The following KIF26A variants were observed in gnomAD, a reference collection of about 807,000 sequenced individuals.
KIF26A encodes kinesin family member 26A.
Under a neutral mutation model 126.0 loss-of-function variants are expected in KIF26A, and 74 were observed. The observed-to-expected ratio is 0.59, with a 90% CI of 0.49 to 0.71. KIF26A has a LOEUF of 0.71. KIF26A is among the 30% of genes least tolerant of loss of function. The pLI, the probability that KIF26A is intolerant of heterozygous loss-of-function variation, is 0.00. For synonymous variants in KIF26A, 1,445 were observed against 1,232.7 expected (o/e 1.17, Z -3.61); for missense variants, 2,984 against 2,763.3 (o/e 1.08, Z -1.79).
chr14:104,174,014 G>A, intron 10 of KIF26A, 134 bp from the exon 11 acceptor site: 1 of 1,391,326 alleles, frequency 7.2e-7, no homozygotes, highest in Non-Finnish European at 9.5e-7. Context: ...CTGCCCGTGG[G>A]CTGCCTGGGG....
chr14:104,157,737 C>T lies in KIF26A; in HGVS notation c.736-18C>T, dbSNP rs752067910. The T allele has an allele frequency of 4.4e-6, 7 of 1,607,606 alleles. No individual in the cohort carries two copies. The highest frequency in any genetic ancestry group is 4.0e-5 in the African/African-American group (3 of 74,794). ...TCTGCCCTTGCGTTCCTTATACGCA[C>T]TCTCTCCTTCCCTCCAGGCCGAGGC... On this transcript the variant is annotated intron_variant, in intron 3 of 14. Transcript: ENST00000423312.
rs931194933 is a variant in KIF26A at position 104,170,321 on chromosome 14, G to C, written c.1114-1402G>C. 7.9e-5 allele frequency among the ~76,000 whole-genome samples: 12 copies of C among 152,198 alleles called. 1 individual carries two copies. The highest frequency in any genetic ancestry group is 2.0e-4 in the Admixed American group (3 of 15,288). On this transcript the variant is annotated intron_variant, in intron 5 of 14. Coordinates refer to ENST00000423312, the MANE Select transcript of KIF26A (RefSeq NM_015656.2). Reference sequence around the variant, plus strand: ...CGGGGGAATAAAAGAATCGATTCTTGCCTAATGGAGCCCAGGTTCTGAGTA... The same window carrying C: ...CGGGGGAATAAAAGAATCGATTCTTCCCTAATGGAGCCCAGGTTCTGAGTA...
chr14:104,173,276 G>A (rs764946792), intron 8 of KIF26A, 37 bp downstream of exon 8: 5 of 1,601,174 alleles, frequency 3.1e-6, no homozygotes, highest in African/African-American at 1.3e-5. Flanking sequence ...GGGGAGGGGG[G>A]CTGCACTTGG....
At chr14:104,153,925 A>G (rs1354832942) in intron 3 of KIF26A, among the ~76,000 whole-genome samples, 1 of 152,034 alleles carries the variant, frequency 6.6e-6, no homozygotes, top group Non-Finnish European at 1.5e-5. Flanking sequence ...CACCATGAAC[A>G]TTTAGGCACC....
chr14:104,162,145 G>T (rs567279807), intron 4 of KIF26A, among the ~76,000 whole-genome samples: 114 of 152,220 alleles, frequency 7.5e-4, no homozygotes, highest in Non-Finnish European at 1.3e-3. Context: ...GCAGTGGCAG[G>T]TCTTTGAGTC....
At position 104,152,604 on chromosome 14, in the gene KIF26A, T is replaced by G; in HGVS notation, c.735+143T>G. The G allele has an allele frequency of 1.3e-6, 1 of 747,370 alleles. No individual in the cohort carries two copies. The highest frequency in any genetic ancestry group is 1.8e-5 in the African/African-American group (1 of 56,202). 46.3% of individuals were successfully genotyped at this position (747,370 alleles called of 1,614,324 possible). A position where few individuals can be genotyped will look rare whatever the true frequency, so the allele number is the denominator to read the frequency against. On this transcript the variant is annotated intron_variant, in intron 3 of 14. Transcript: ENST00000423312. This position sits in a 1 kb window ranked among gnomAD's most constrained non-coding sequence, Gnocchi z 5.9. ...CGGCGGGCATGGGGGTTCCTGACAC[T>G]CCTGAGGCCCCACATCAGATGCACC...
rs1407538215 is a variant in KIF26A, at chr14:104,152,404, C to T, written c.678C>T (p.Cys226=). The T allele has an allele frequency of 1.3e-6, 2 of 1,599,306 alleles. No individual in the cohort carries two copies. The highest frequency in any genetic ancestry group is 1.3e-5 in the African/African-American group (1 of 74,742). ...CGGTCACCATCCAGGCCCAGCAGTGCCTGGAGGGCATGTGGAGTGTCTCGC... is the reference window on the plus strand; with the variant it reads ...CGGTCACCATCCAGGCCCAGCAGTGTCTGGAGGGCATGTGGAGTGTCTCGC... ...LSTVTIQAQQ[C]LEGMWSVSRV... Residue 226 remains cysteine, a synonymous_variant, in exon 3 of 15, where the codon TGC becomes TGT. Coordinates refer to ENST00000423312, the MANE Select transcript of KIF26A (RefSeq NM_015656.2). The surrounding 1 kb of genome is among the most constrained non-coding windows in gnomAD (Gnocchi z 5.9).
In KIF26A at chr14:104,175,229, TCGTGCC is replaced by T; in HGVS notation, c.2443_2448del (p.Val815_Pro816del). The T allele has an allele frequency of 6.2e-7, 1 of 1,609,510 alleles. No individual in the cohort carries two copies. Among genetic ancestry groups the T allele is most frequent in the Non-Finnish European group, 8.5e-7 (1 of 1,179,542 alleles). On this transcript the variant is annotated inframe_deletion, in exon 12 of 15. Coordinates refer to ENST00000423312, the MANE Select transcript of KIF26A (RefSeq NM_015656.2). The stretch of plus-strand genomic sequence containing the variant: ...ACCGACAACGAAGGTCCGCCTGACT[TCGTGCC>T]CATCATCCCTGCCCTGAGCCGCCAC...
In KIF26A at chr14:104,177,339, G is replaced by A; in HGVS notation, c.4551G>A (p.Leu1517=). 2 of 1,507,954 alleles carry A rather than the reference G, an allele frequency of 1.3e-6. No homozygotes were observed. Among genetic ancestry groups the A allele is most frequent in the Non-Finnish European group, 1.8e-6 (2 of 1,131,056 alleles). The allele number at this position is 1,507,954 out of a possible 1,614,324, so 93.4% of individuals were successfully genotyped here. The change falls in exon 12 of 15, where the codon CTG becomes CTA. Residue 1517 remains leucine (L), a synonymous_variant. Transcript: ENST00000423312. Reference sequence around the variant, plus strand: ...GGGCTCTGGGGCCTTCGGTGAAGCTGTCTACGGCCTCTGTGACGGGCAGGA... The same window carrying A: ...GGGCTCTGGGGCCTTCGGTGAAGCTATCTACGGCCTCTGTGACGGGCAGGA... ...GSRALGPSVK[L]STASVTGRSP...
In KIF26A at chr14:104,173,013, C is replaced by T. The variant is rs759864548; in HGVS notation, c.1457C>T (p.Pro486Leu). 5.6e-6 allele frequency: 9 copies of T among 1,605,414 alleles called. No individual in the cohort carries two copies. Among genetic ancestry groups the T allele is most frequent in the Non-Finnish European group, 5.1e-6 (6 of 1,176,642 alleles). The change falls in exon 8 of 15, where the codon CCC (proline) becomes CTC (leucine). Residue 486 changes from proline (P) to leucine (L), a missense_variant. Coordinates refer to ENST00000423312, the MANE Select transcript of KIF26A (RefSeq NM_015656.2). ...ACCATGATCGGGAAGGACAGCTCAC[C>T]CCAGAGCCTGGGCATCGTGCCCTGC... The part of the protein sequence containing the change: ...SYTMIGKDSS[P>L]QSLGIVPCAI...
At position 104,177,555 on chromosome 14, in the gene KIF26A, C is replaced by G; in HGVS notation, c.4767C>G (p.Asp1589Glu). The change falls in exon 12 of 15, where the codon GAC becomes GAG. Residue 1589 changes from aspartate to glutamate, a missense_variant. Physicochemically the swap from Asp to Glu is conservative, Grantham distance 45. Coordinates refer to ENST00000423312, the MANE Select transcript of KIF26A (RefSeq NM_015656.2). ...CCTCGTGGGGCTCGGCGGACTCAGA[C>G]AGCGGCCATGACAGCGGCGTGAACG... ...GGSSWGSADS[D>E]SGHDSGVNVG... The G allele has an allele frequency of 1.3e-6, 2 of 1,537,778 alleles. No homozygotes were observed. The highest frequency in any genetic ancestry group is 8.7e-7 in the Non-Finnish European group (1 of 1,147,142).
rs949731345 is a variant in KIF26A, at chr14:104,173,401, G to A, written c.1755G>A (p.Ala585=). 9 of 1,583,736 alleles carry A rather than the reference G, an allele frequency of 5.7e-6. No individual in the cohort carries two copies. The East Asian group carries it at 9.3e-5, about 16-fold the overall frequency. The part of the protein sequence containing the change: ...KAAFYLDAAL[A]ARSTSRAGCG... ...CTTTCTACCTGGATGCGGCCCTGGCGGCCCGCAGCACCAGCCGAGCGGGCT... is the reference window on the plus strand; with the variant it reads ...CTTTCTACCTGGATGCGGCCCTGGCAGCCCGCAGCACCAGCCGAGCGGGCT... The change falls in exon 9 of 15, where the codon GCG becomes GCA. Residue 585 remains alanine, a synonymous_variant. Coordinates refer to ENST00000423312, the MANE Select transcript of KIF26A (RefSeq NM_015656.2).
chr14:104,150,404 C>G (rs1013702214), intron 2 of KIF26A, among the ~76,000 whole-genome samples: 9 of 151,922 alleles, frequency 5.9e-5, no homozygotes, highest in African/African-American at 2.2e-4. Flanking sequence ...GCAGCTGGGC[C>G]TGATGGGGGT....
chr14:104,143,389 G>A (rs1473982273), intron 2 of KIF26A, among the ~76,000 whole-genome samples: 1 of 152,230 alleles, frequency 6.6e-6, no homozygotes, highest in Non-Finnish European at 1.5e-5. Context: ...GGCGAGTCCT[G>A]TTTCTCCTTG....
chr14:104,157,955 G>T lies in KIF26A; in HGVS notation c.923+13G>T, dbSNP rs765547104. ...CCTTCTTCATAAGGTATGTCCTGGGGCTTCCTGGGCAGCCTTGTGGGCAGG... is the reference window on the plus strand; with the variant it reads ...CCTTCTTCATAAGGTATGTCCTGGGTCTTCCTGGGCAGCCTTGTGGGCAGG... On this transcript the variant is annotated intron_variant, in intron 4 of 14. Transcript: ENST00000423312. 2 of 1,482,230 alleles carry T rather than the reference G, an allele frequency of 1.3e-6. No homozygotes were observed. Among genetic ancestry groups the T allele is most frequent in the South Asian group, 2.8e-5 (2 of 72,396 alleles). 91.8% of individuals were successfully genotyped at this position (1,482,230 alleles called of 1,614,324 possible). A position where few individuals can be genotyped will look rare whatever the true frequency, so the allele number is the denominator to read the frequency against.
At chr14:104,173,890 G>C in intron 10 of KIF26A, 22 bp downstream of exon 10, 2 of 1,553,730 alleles carry the variant, frequency 1.3e-6, no homozygotes, top group Non-Finnish European at 1.7e-6. Flanking sequence ...GCCTGGGCAG[G>C]TGCCGACCAG....
intron 2 of KIF26A, among the ~76,000 whole-genome samples, chr14:104,140,306 C>T (rs537586691): frequency 5.4e-4 from 82 of 152,248 alleles, no homozygotes; most frequent in African/African-American, 1.9e-3. Flanking sequence ...GCCTGTGGGC[C>T]TGTCCTGGGG....
chr14:104,148,509 G>A lies in KIF26A; in HGVS notation c.289-3506G>A, dbSNP rs1020063162. Reference sequence around the variant, plus strand: ...TGAAATTGGGGGGCAGTAACCCGTTGGGGGCTTGGGCCAGAGGACCCCGTG... The same window carrying A: ...TGAAATTGGGGGGCAGTAACCCGTTAGGGGCTTGGGCCAGAGGACCCCGTG... On this transcript the variant is annotated intron_variant, in intron 2 of 14. Coordinates refer to ENST00000423312, the MANE Select transcript of KIF26A (RefSeq NM_015656.2). This position sits in a 1 kb window ranked among gnomAD's most constrained non-coding sequence, Gnocchi z 4.3. Among the ~76,000 whole-genome samples the A allele has an allele frequency of 6.6e-6, 1 of 152,134 alleles. No homozygotes were observed. The highest frequency in any genetic ancestry group is 1.5e-5 in the Non-Finnish European group (1 of 68,020).
At position 104,177,122 on chromosome 14, in the gene KIF26A, C is replaced by T. The variant is rs199511148; in HGVS notation, c.4334C>T (p.Ala1445Val). 160 of 1,597,618 alleles carry T rather than the reference C, an allele frequency of 1.0e-4. No homozygotes were observed. The highest frequency in any genetic ancestry group is 1.2e-4 in the Non-Finnish European group (142 of 1,179,390). Residue 1445 changes from alanine (A) to valine (V), a missense_variant, in exon 12 of 15, where the codon GCG (alanine) becomes GTG (valine). By Grantham distance (64) the Ala-to-Val change is moderately conservative. Coordinates refer to ENST00000423312, the MANE Select transcript of KIF26A (RefSeq NM_015656.2). ...HASLERYEGL[A>V]HSSSKGREAP... Reference sequence around the variant, plus strand: ...TCTCTGGAGCGGTACGAAGGCCTGGCGCACAGCAGCAGCAAGGGCCGGGAA... The same window carrying T: ...TCTCTGGAGCGGTACGAAGGCCTGGTGCACAGCAGCAGCAAGGGCCGGGAA...
Sources: allele counts gnomAD v4.1 joint callset (sites outside exome capture counted in the v4.1 genomes callset), GRCh38; gene constraint gnomAD v4.1.1; non-coding constraint Gnocchi (gnomAD v3.1); transcripts MANE v1.5; gene names NCBI Gene and HGNC (gene_info 2026-07-23, HGNC 2026-07-21).